Variants in OPCML observed in about 807,000 individuals in gnomAD.
OPCML encodes the protein opioid-binding protein/cell adhesion molecule.
Under a neutral mutation model 37.8 loss-of-function variants are expected in OPCML, and 13 were observed. The observed-to-expected ratio is 0.34, with a 90% confidence interval of 0.22 to 0.55. The LOEUF is 0.55. Among genes scored for constraint, OPCML ranks in the 20% least tolerant of loss-of-function variants. The pLI is 0.91. For synonymous variants in OPCML, 176 were observed against 168.8 expected (o/e 1.04, Z -0.33); for missense variants, 341 against 435.6 (o/e 0.78, Z 1.93).
chr11:133,367,683 CTG>C (rs1944576281), intron 1 of OPCML, among the ~76,000 whole-genome samples: 1 of 152,222 alleles, frequency 6.6e-6, no homozygotes, highest in East Asian at 1.9e-4. Context: ...CAAATCCCAT[CTG>C]TTTCTACTTG....
At chr11:132,888,660 T>C (rs1373445181) in intron 2 of OPCML, among the ~76,000 whole-genome samples, 3 of 152,186 alleles carry the variant, frequency 2.0e-5, no homozygotes, top group Non-Finnish European at 2.9e-5. Flanking sequence ...TTTTGGCTCT[T>C]TCTCAGTCTC....
intron 4 of OPCML, among the ~76,000 whole-genome samples, chr11:132,482,651 C>T (rs1374645451): frequency 6.6e-6 from 1 of 152,180 alleles, no homozygotes; most frequent in Non-Finnish European, 1.5e-5. Flanking sequence ...CCTTGATGAA[C>T]ATTGATGCAA....
intron 2 of OPCML, among the ~76,000 whole-genome samples, chr11:132,739,959 A>C (rs1263813328): frequency 6.6e-6 from 1 of 152,180 alleles, no homozygotes; most frequent in African/African-American, 2.4e-5. Flanking sequence ...TACAATCTTA[A>C]AAAAAGGCAG....
intron 1 of OPCML, chr11:133,422,393 A>ATATG: frequency 1.1e-6 from 1 of 928,920 alleles, no homozygotes; most frequent in African/African-American, 2.3e-5. Context: ...ATATATATAT[A>ATATG]TGTATATATG....
At chr11:133,215,273 T>C (rs1024685503) in intron 1 of OPCML, among the ~76,000 whole-genome samples, 2 of 152,074 alleles carry the variant, frequency 1.3e-5, no homozygotes, top group African/African-American at 4.8e-5. Context: ...CAAACACCCA[T>C]CTCTTTAAAA....
At chr11:132,955,807 G>A (rs576648371) in intron 1 of OPCML, among the ~76,000 whole-genome samples, 39 of 152,042 alleles carry the variant, frequency 2.6e-4, no homozygotes, top group African/African-American at 5.8e-4. Flanking sequence ...GCTTGAACCC[G>A]GGGAGGCAGA....
intron 1 of OPCML, among the ~76,000 whole-genome samples, chr11:133,073,581 G>A (rs578257086): frequency 5.8e-4 from 88 of 152,332 alleles, no homozygotes; most frequent in Admixed American, 1.1e-3. Flanking sequence ...AGGCTCCTTG[G>A]GGGTAAGAGT....
intron 7 of OPCML, chr11:132,435,125 C>G: frequency 8.3e-7 from 1 of 1,198,084 alleles, no homozygotes; most frequent in Non-Finnish European, 1.1e-6. Flanking sequence ...GGCATTCAGG[C>G]AGGCAGAGGT....
At chr11:133,194,235 G>A (rs1282630354) in intron 1 of OPCML, among the ~76,000 whole-genome samples, 1 of 130,356 alleles carries the variant, frequency 7.7e-6, no homozygotes, top group Non-Finnish European at 1.6e-5. Flanking sequence ...TTGAGATGGA[G>A]TTTCACTCTG....
chr11:132,763,375 G>A (rs1431414542), intron 2 of OPCML, among the ~76,000 whole-genome samples: 2 of 152,186 alleles, frequency 1.3e-5, no homozygotes, highest in Non-Finnish European at 2.9e-5. Flanking sequence ...ATATATTACA[G>A]GAGGAATTTG....
chr11:133,256,709 T>C (rs1012291806), intron 1 of OPCML, among the ~76,000 whole-genome samples: 1 of 152,248 alleles, frequency 6.6e-6, no homozygotes. Context: ...AAAATCAATG[T>C]ATTTAAGTAA....
chr11:133,462,016 C>T (rs1946872206), intron 1 of OPCML, among the ~76,000 whole-genome samples: 1 of 151,728 alleles, frequency 6.6e-6, no homozygotes, highest in South Asian at 2.1e-4. Flanking sequence ...GTGTCATGAC[C>T]ATTTAATGAA....
At chr11:133,178,156 T>G (rs1592076924) in intron 1 of OPCML, among the ~76,000 whole-genome samples, 1 of 152,042 alleles carries the variant, frequency 6.6e-6, no homozygotes, top group African/African-American at 2.4e-5. Flanking sequence ...CCATGCAATA[T>G]CACTGGGCCT....
intron 1 of OPCML, among the ~76,000 whole-genome samples, chr11:133,253,145 CAAAA>C (rs549441502): frequency 2.0e-5 from 2 of 99,204 alleles, no homozygotes. Flanking sequence ...GACTCTGTCT[CAAAA>C]AAAAAAAAAA....
At chr11:133,367,264 ACC>A (rs1944563689) in intron 1 of OPCML, among the ~76,000 whole-genome samples, 2 of 152,184 alleles carry the variant, frequency 1.3e-5, no homozygotes, top group Non-Finnish European at 2.9e-5. Flanking sequence ...GGCGTGAGCC[ACC>A]ACACCCAGCC....
At chr11:132,667,544 G>C (rs538787573) in intron 2 of OPCML, among the ~76,000 whole-genome samples, 1 of 152,306 alleles carries the variant, frequency 6.6e-6, no homozygotes, top group East Asian at 1.9e-4. Context: ...ATAACTGTCA[G>C]AGAAAAGTTA....
intron 3 of OPCML, among the ~76,000 whole-genome samples, chr11:132,644,981 C>T (rs530279357): frequency 2.0e-5 from 3 of 152,214 alleles, no homozygotes; most frequent in Non-Finnish European, 4.4e-5. Context: ...CAGTTGCTAA[C>T]TGGTCATTAA....
intron 2 of OPCML, among the ~76,000 whole-genome samples, chr11:132,824,147 T>C (rs2136257726): frequency 6.6e-6 from 1 of 152,336 alleles, no homozygotes; most frequent in African/African-American, 2.4e-5. Flanking sequence ...TAGCTTATTT[T>C]ATCTAAAAAT....
chr11:133,392,294 G>A (rs932109610), intron 1 of OPCML, among the ~76,000 whole-genome samples: 11 of 152,280 alleles, frequency 7.2e-5, no homozygotes, highest in African/African-American at 1.9e-4. Context: ...AGAAGCATCC[G>A]AGCCACTAAT....
Sources: allele counts gnomAD v4.1 joint callset (sites outside exome capture counted in the v4.1 genomes callset), GRCh38; gene constraint gnomAD v4.1.1; transcripts MANE v1.5; gene names NCBI Gene and HGNC (gene_info 2026-07-23, HGNC 2026-07-21).